PRKN: variants seen among roughly 807,000 people sequenced by gnomAD.
PRKN encodes parkin RBR E3 ubiquitin protein ligase.
A neutral mutation model predicts 59.5 loss-of-function variants in PRKN; 56 were observed. The observed-to-expected ratio is 0.94, with a 90% CI of 0.76 to 1.18. The LOEUF (loss-of-function observed/expected upper bound fraction) is 1.18, where lower values mean the gene tolerates loss of function less well. PRKN is among the 50% of genes most tolerant of loss of function. PRKN has a pLI of 0.00. For synonymous variants in PRKN, 250 were observed against 222.1 expected, an observed-to-expected ratio of 1.13 and a Z score of -1.12; for missense variants, 657 against 596.4, an observed-to-expected ratio of 1.10 and a Z score of -1.06.
chr6:161,888,788 C>G (rs868231204), intron 6 of PRKN, among the ~76,000 whole-genome samples: 1 of 152,080 alleles, frequency 6.6e-6, no homozygotes, highest in African/African-American at 2.4e-5. Flanking sequence ...TCCATTAACC[C>G]TCCTAACTTT....
chr6:162,413,997 C>T (rs1270999890), intron 2 of PRKN, among the ~76,000 whole-genome samples: 2 of 152,020 alleles, frequency 1.3e-5, no homozygotes, highest in African/African-American at 2.4e-5. Context: ...GCCTGGCCAA[C>T]ATGGGGAAAT....
Position 161,545,470 on chromosome 6 carries a change from T to C in PRKN, c.1083+3384A>G. On this transcript the variant is annotated intron_variant, in intron 9 of 11. Transcript: ENST00000366898. This position sits in a 1 kb window ranked among gnomAD's most constrained non-coding sequence, Gnocchi z 4.1. ...AGCAAAGAGTAAAAAGAGATTCACC[T>C]TCTTCTAACTTTTATGTATTTGGCC... 1 of 1,459,006 alleles carries C rather than the reference T, an allele frequency of 6.9e-7. No individual in the cohort carries two copies. The highest frequency in any genetic ancestry group is 1.1e-5 in the South Asian group (1 of 87,590). The allele number at this position is 1,459,006 out of a possible 1,614,324, so 90.4% of individuals were successfully genotyped here.
intron 6 of PRKN, among the ~76,000 whole-genome samples, chr6:161,885,461 G>A (rs770102711): frequency 6.6e-6 from 1 of 152,042 alleles, no homozygotes; most frequent in African/African-American, 2.4e-5. Context: ...TCAGGAGATA[G>A]AGACCATCCT....
intron 5 of PRKN, among the ~76,000 whole-genome samples, chr6:162,021,010 G>A (rs1783126545): frequency 6.7e-6 from 1 of 149,770 alleles, no homozygotes; most frequent in African/African-American, 2.5e-5. Flanking sequence ...GGCTGAGGCA[G>A]GAGAATTGCT....
chr6:161,558,232 A>G (rs6901951), intron 8 of PRKN, among the ~76,000 whole-genome samples: 24,551 of 151,970 alleles, frequency 0.16, 2,088 homozygotes, highest in African/African-American at 0.22. Flanking sequence ...CGCTTTCCAC[A>G]ATACCCAGCT....
intron 6 of PRKN, among the ~76,000 whole-genome samples, chr6:161,870,974 G>C (rs1286017669): frequency 6.6e-6 from 1 of 151,888 alleles, no homozygotes; most frequent in Non-Finnish European, 1.5e-5. Flanking sequence ...TAGAGATAGG[G>C]TAATCATCTA....
intron 4 of PRKN, among the ~76,000 whole-genome samples, chr6:162,146,856 G>A (rs185268064): frequency 7.1e-4 from 108 of 151,714 alleles, no homozygotes; most frequent in African/African-American, 1.9e-3. Flanking sequence ...TCAGCCTCCC[G>A]AGTAGCTGAG....
chr6:162,094,748 C>T (rs1368869549), intron 4 of PRKN, among the ~76,000 whole-genome samples: 1 of 152,080 alleles, frequency 6.6e-6, no homozygotes, highest in Admixed American at 6.5e-5. Context: ...TGGTAAAATT[C>T]AACTCCTGTC....
intron 6 of PRKN, among the ~76,000 whole-genome samples, chr6:161,943,932 C>CTGAGGGATCAGCCT: frequency 7.6e-6 from 1 of 130,888 alleles, no homozygotes; most frequent in Non-Finnish European, 1.6e-5. Context: ...AGGAAGCAGC[C>CTGAGGGATCAGCCT]TGAGGAAGCA....
chr6:161,678,119 C>T (rs1191577292), intron 7 of PRKN, among the ~76,000 whole-genome samples: 1 of 148,308 alleles, frequency 6.7e-6, no homozygotes, highest in Non-Finnish European at 1.5e-5. Context: ...TTAAAATACT[C>T]TTACTCTTTA....
intron 2 of PRKN, among the ~76,000 whole-genome samples, chr6:162,312,578 G>C (rs1201957664): frequency 6.6e-6 from 1 of 152,082 alleles, no homozygotes; most frequent in Non-Finnish European, 1.5e-5. Context: ...TTACTCGTTA[G>C]GAGAAATGTG....
intron 2 of PRKN, among the ~76,000 whole-genome samples, chr6:162,437,037 A>C (rs2128165228): frequency 6.6e-6 from 1 of 152,126 alleles, no homozygotes; most frequent in South Asian, 2.1e-4. Flanking sequence ...GCTTGCAGTG[A>C]GCAGGGATTG....
chr6:162,029,632 G>T (rs1479866992), intron 5 of PRKN, among the ~76,000 whole-genome samples: 1 of 152,144 alleles, frequency 6.6e-6, no homozygotes, highest in Non-Finnish European at 1.5e-5. Flanking sequence ...CTGGGATTTT[G>T]CCTCATCCTT....
intron 5 of PRKN, among the ~76,000 whole-genome samples, chr6:162,021,952 A>AT (rs1343438964): frequency 2.0e-5 from 3 of 151,812 alleles, no homozygotes; most frequent in Non-Finnish European, 2.9e-5. Flanking sequence ...CAATTATTTG[A>AT]TTTTTTGTTT....
At chr6:162,211,524 T>A (rs924072825) in intron 3 of PRKN, among the ~76,000 whole-genome samples, 5 of 152,130 alleles carry the variant, frequency 3.3e-5, no homozygotes, top group Admixed American at 6.5e-5. Flanking sequence ...TAATTTAAAA[T>A]TTTTTAAAAA....
At chr6:162,313,355 T>C (rs1782608754) in intron 2 of PRKN, among the ~76,000 whole-genome samples, 1 of 152,160 alleles carries the variant, frequency 6.6e-6, no homozygotes, top group Non-Finnish European at 1.5e-5. Flanking sequence ...ACAGAGTATT[T>C]TTCTTTTTGT....
intron 2 of PRKN, among the ~76,000 whole-genome samples, chr6:162,321,765 T>C (rs1339984117): frequency 6.6e-6 from 1 of 151,958 alleles, no homozygotes; most frequent in African/African-American, 2.4e-5. Flanking sequence ...TATAATACTC[T>C]CATAAGGTTT....
At chr6:161,776,784 A>G (rs902620877) in intron 7 of PRKN, among the ~76,000 whole-genome samples, 8 of 152,196 alleles carry the variant, frequency 5.3e-5, no homozygotes, top group South Asian at 2.1e-4. Flanking sequence ...TCTGGAGCCA[A>G]TCGTATCTGG....
intron 2 of PRKN, among the ~76,000 whole-genome samples, chr6:162,351,117 G>A (rs1784606949): frequency 6.6e-6 from 1 of 152,172 alleles, no homozygotes; most frequent in African/African-American, 2.4e-5. Context: ...TTGAGCCTAA[G>A]GAGGTTGAGT....
Sources: allele counts gnomAD v4.1 joint callset (sites outside exome capture counted in the v4.1 genomes callset), GRCh38; gene constraint gnomAD v4.1.1; non-coding constraint Gnocchi (gnomAD v3.1); transcripts MANE v1.5; gene names NCBI Gene and HGNC (gene_info 2026-07-23, HGNC 2026-07-21).